The following CADPS2 variants were observed in gnomAD, a reference collection of about 807,000 sequenced individuals.
CADPS2 encodes calcium dependent secretion activator 2.
Under a neutral mutation model 172.5 loss-of-function variants are expected in CADPS2, and 93 were observed. The ratio of observed to expected loss-of-function variants is 0.54; its 90% CI spans 0.46 to 0.64. CADPS2 has a LOEUF of 0.64. Ranked by LOEUF, CADPS2 falls within the 30% of genes least tolerant of loss-of-function variation. The probability of loss-of-function intolerance (pLI) is 0.00; values close to 1 mark genes in which losing one functional copy is unlikely to be tolerated. For synonymous variants in CADPS2, 546 were observed against 555.2 expected (o/e 0.98, Z 0.23); for missense variants, 1,420 against 1,565.9 (o/e 0.91, Z 1.57).
At chr7:122,396,914 A>G (rs1354896971) in intron 20 of CADPS2, among the ~76,000 whole-genome samples, 1 of 152,206 alleles carries the variant, frequency 6.6e-6, no homozygotes, top group Non-Finnish European at 1.5e-5. Context: ...AAGTAATCAA[A>G]TGTTTGTTGG....
intron 9 of CADPS2, among the ~76,000 whole-genome samples, chr7:122,508,325 C>T (rs577992405): frequency 5.1e-4 from 77 of 151,366 alleles, no homozygotes; most frequent in Admixed American, 4.1e-3. Flanking sequence ...TTTTCTCCTC[C>T]ACAACAAAAA....
intron 8 of CADPS2, among the ~76,000 whole-genome samples, chr7:122,547,296 A>G (rs551660271): frequency 2.6e-5 from 4 of 152,268 alleles, no homozygotes; most frequent in South Asian, 2.1e-4. Context: ...GGGAAATAAT[A>G]TATTTCTTTT....
chr7:122,705,925 A>ATAT (rs1421712041), intron 2 of CADPS2, among the ~76,000 whole-genome samples: 6 of 9,094 alleles, frequency 6.6e-4, no homozygotes, highest in African/African-American at 2.6e-3. Flanking sequence ...ATAATATAAT[A>ATAT]TATAATATAT....
At chr7:122,639,759 T>C (rs2077412096) in intron 3 of CADPS2, among the ~76,000 whole-genome samples, 1 of 152,192 alleles carries the variant, frequency 6.6e-6, no homozygotes, top group Non-Finnish European at 1.5e-5. Flanking sequence ...TTTCTTTTAA[T>C]TGTCATTAGG....
intron 1 of CADPS2, among the ~76,000 whole-genome samples, chr7:122,809,747 A>G (rs924752020): frequency 1.3e-5 from 2 of 152,174 alleles, no homozygotes; most frequent in African/African-American, 4.8e-5. Flanking sequence ...CTGTCTTGTT[A>G]TTCTCGGGAT....
intron 18 of CADPS2, among the ~76,000 whole-genome samples, chr7:122,415,601 C>CAAAAAAAAAAAAAAAAAAAAACA (rs549530021): frequency 1.5e-5 from 1 of 64,960 alleles, no homozygotes; most frequent in African/African-American, 4.8e-5. Flanking sequence ...AATACAGAAC[C>CAAAAAAAAAAAAAAAAAAAAACA]AAAAAAAAAA....
chr7:122,825,971 C>G (rs1328504558), intron 1 of CADPS2, among the ~76,000 whole-genome samples: 5 of 152,164 alleles, frequency 3.3e-5, no homozygotes, highest in Non-Finnish European at 7.4e-5. Flanking sequence ...CGCCAAGTAG[C>G]AAGCTACAAC....
At chr7:122,784,226 A>G (rs1793482920) in intron 1 of CADPS2, among the ~76,000 whole-genome samples, 1 of 152,032 alleles carries the variant, frequency 6.6e-6, no homozygotes, top group Non-Finnish European at 1.5e-5. Context: ...CCTCCTCCCT[A>G]AGATCTTTTT....
intron 9 of CADPS2, among the ~76,000 whole-genome samples, chr7:122,496,834 A>T (rs1388619102): frequency 2.0e-5 from 3 of 152,158 alleles, no homozygotes; most frequent in Non-Finnish European, 1.5e-5. Flanking sequence ...ATTCACGTCC[A>T]TTAGGTCAAA....
Position 122,604,499 on chromosome 7 carries a change from G to A in CADPS2, c.1223+10682C>T, listed in dbSNP as rs73435710. ...GCTGGACAGAGCTCTAGATTTAAGA[G>A]TTGCAGCATCTTAGAATAAAGGCAT... On this transcript the variant is annotated intron_variant, in intron 6 of 29. Coordinates refer to ENST00000449022, the MANE Select transcript of CADPS2 (RefSeq NM_017954.11). Among the ~76,000 whole-genome samples the A allele has an allele frequency of 5.3e-3, 804 of 152,226 alleles. 4 individuals are homozygous for A. The highest frequency in any genetic ancestry group is 0.018 in the African/African-American group (755 of 41,532).
intron 17 of CADPS2, among the ~76,000 whole-genome samples, chr7:122,428,186 T>C (rs2049401822): frequency 6.6e-6 from 1 of 152,172 alleles, no homozygotes; most frequent in Non-Finnish European, 1.5e-5. Flanking sequence ...TCATAAATAA[T>C]ACTAAATGTT....
rs1165697150 is a variant in CADPS2 at position 122,581,242 on chromosome 7, G to A, written c.1272C>T (p.Val424=). 1 of 1,613,082 alleles carries A rather than the reference G, an allele frequency of 6.2e-7. No homozygotes were observed. The highest frequency in any genetic ancestry group is 8.5e-7 in the Non-Finnish European group (1 of 1,179,432). Residue 424 remains valine, a synonymous_variant, in exon 7 of 30, where the codon GTC becomes GTT. Coordinates refer to ENST00000449022, the MANE Select transcript of CADPS2 (RefSeq NM_017954.11). ...TGCTTTCTGTGAAGAGTTTCACTTT[G>A]ACCACAGGCCGAGGATGGGTGGTGG... The part of the protein sequence containing the change: ...DFTTTHPRPV[V]KVKLFTESTG...
At chr7:122,339,490 A>C (rs1357876148) in intron 28 of CADPS2, among the ~76,000 whole-genome samples, 1 of 152,250 alleles carries the variant, frequency 6.6e-6, no homozygotes, top group African/African-American at 2.4e-5. Flanking sequence ...ACATTGTAAT[A>C]AACAGTCTTT....
At chr7:122,885,508 C>T (rs942338557) in intron 1 of CADPS2, among the ~76,000 whole-genome samples, 7 of 152,148 alleles carry the variant, frequency 4.6e-5, no homozygotes, top group African/African-American at 1.7e-4. Context: ...AGGAAAATTT[C>T]TACCCCTCTT....
chr7:122,551,530 C>T (rs77096033), intron 8 of CADPS2, among the ~76,000 whole-genome samples: 1 of 152,010 alleles, frequency 6.6e-6, no homozygotes, highest in East Asian at 1.9e-4. Context: ...CAATAGTTCA[C>T]GCAAGAAAGA....
In CADPS2 at chr7:122,886,354, C is replaced by T. The variant is rs968319327; in HGVS notation, c.-17G>A. On this transcript the variant is annotated 5_prime_UTR_variant, in exon 1 of 30. Coordinates refer to ENST00000449022, the MANE Select transcript of CADPS2 (RefSeq NM_017954.11). The stretch of plus-strand genomic sequence containing the variant: ...GTCCAGCATGGTGCTCGGGGATCCC[C>T]GCCGCTCGGCCCGCGGTCCCCAAGC... 3.4e-6 allele frequency: 5 copies of T among 1,489,410 alleles called. No individual in the cohort carries two copies. In the African/African-American group the frequency reaches 4.4e-5, roughly 13 times the overall value. 92.3% of individuals were successfully genotyped at this position (1,489,410 alleles called of 1,614,324 possible). A position where few individuals can be genotyped will look rare whatever the true frequency, so the allele number is the denominator to read the frequency against.
At chr7:122,406,856 A>T (rs2151653458) in intron 20 of CADPS2, among the ~76,000 whole-genome samples, 1 of 152,308 alleles carries the variant, frequency 6.6e-6, no homozygotes, top group African/African-American at 2.4e-5. Context: ...AGTGGTAACC[A>T]AACTTGAGAC....
chr7:122,621,389 T>A (rs774885882), intron 5 of CADPS2, 92 bp downstream of exon 5: 1 of 854,124 alleles, frequency 1.2e-6, no homozygotes, highest in Non-Finnish European at 1.9e-6. Context: ...TTACACTGTT[T>A]TAAATTCTAA....
chr7:122,840,154 T>C (rs1278350027), intron 1 of CADPS2, among the ~76,000 whole-genome samples: 3 of 152,128 alleles, frequency 2.0e-5, no homozygotes, highest in Non-Finnish European at 4.4e-5. Flanking sequence ...CTGGAAACCA[T>C]CGTTCTGAGC....
Sources: gnomAD v4.1 joint callset for allele counts (sites outside exome capture counted in the v4.1 genomes callset) on GRCh38, gnomAD v4.1.1 for gene constraint, MANE v1.5 for transcripts, NCBI Gene and HGNC (gene_info 2026-07-23, HGNC 2026-07-21) for gene names.